The following IL15RA variants were observed in gnomAD, a reference collection of about 807,000 sequenced individuals.
IL15RA encodes the protein interleukin-15 receptor subunit alpha.
In IL15RA, 26 loss-of-function variants were observed where a neutral mutation model predicts 24.2. The ratio of observed to expected loss-of-function variants is 1.07; its 90% confidence interval spans 0.79 to 1.49. IL15RA has a LOEUF of 1.49. Ranked by LOEUF, IL15RA falls within the 40% of genes most tolerant of loss-of-function variation. The pLI, the probability that IL15RA is intolerant of heterozygous loss-of-function variation, is 0.00. For synonymous variants in IL15RA, 166 were observed against 157.6 expected (o/e 1.05, Z -0.40); for missense variants, 354 against 356.4 (o/e 0.99, Z 0.05).
Position 5,962,012 on chromosome 10 carries a change from G to A in IL15RA, c.383-1445C>T, listed in dbSNP as rs770744850. 3.3e-5 allele frequency among the ~76,000 whole-genome samples: 5 copies of A among 152,190 alleles called. No homozygotes were observed. Among genetic ancestry groups the A allele is most frequent in the Non-Finnish European group, 5.9e-5 (4 of 68,044 alleles). On this transcript the variant is annotated intron_variant, in intron 3 of 6. Coordinates refer to ENST00000379977, the MANE Select transcript of IL15RA (RefSeq NM_002189.4). This position sits in a 1 kb window ranked among gnomAD's most constrained non-coding sequence, Gnocchi z 5.2. Reference sequence around the variant, plus strand: ...CACGGTCGTGCCAGCTCGGGTCAAAGGCTGCTGTCACATCGGGGCTTCTGA... The same window carrying A: ...CACGGTCGTGCCAGCTCGGGTCAAAAGCTGCTGTCACATCGGGGCTTCTGA...
intron 1 of IL15RA, among the ~76,000 whole-genome samples, chr10:5,969,293 TTTAAA>T (rs1357670107): frequency 1.3e-5 from 2 of 149,872 alleles, no homozygotes; most frequent in South Asian, 2.1e-4. Flanking sequence ...AATTAAAATT[TTTAAA>T]TTAAATTTTT....
chr10:5,960,781 C>T lies in IL15RA; in HGVS notation c.383-214G>A, dbSNP rs527847871. Among the ~76,000 whole-genome samples the T allele has an allele frequency of 7.2e-5, 11 of 152,240 alleles. No homozygotes were observed. The South Asian group carries it at 2.3e-3, about 32-fold the overall frequency. On this transcript the variant is annotated intron_variant, in intron 3 of 6. Transcript: ENST00000379977. This position sits in a 1 kb window ranked among gnomAD's most constrained non-coding sequence, Gnocchi z 5.1. Reference sequence around the variant, plus strand: ...CTAAAGAACATGGCTACTATCACGGCACGTATAAAGAAAAGATCAGCCAGA... The same window carrying T: ...CTAAAGAACATGGCTACTATCACGGTACGTATAAAGAAAAGATCAGCCAGA...
chr10:5,977,730 G>T, upstream of IL15RA: 1 of 1,057,136 alleles, frequency 9.5e-7, no homozygotes, highest in Non-Finnish European at 1.2e-6. Flanking sequence ...AGCCACCCCT[G>T]TCCCCGGGAC....
At position 5,963,701 on chromosome 10, in the gene IL15RA, G is replaced by A; in HGVS notation, c.382+42C>T. The A allele has an allele frequency of 7.6e-7, 1 of 1,312,682 alleles. No homozygotes were observed. Among genetic ancestry groups the A allele is most frequent in the Non-Finnish European group, 1.0e-6 (1 of 970,500 alleles). The allele number at this position is 1,312,682 out of a possible 1,614,324, so 81.3% of individuals were successfully genotyped here. A position where few individuals can be genotyped will look rare whatever the true frequency, so the allele number is the denominator to read the frequency against. On this transcript the variant is annotated intron_variant, in intron 3 of 6. Transcript: ENST00000379977. The surrounding 1 kb of genome is among the most constrained non-coding windows in gnomAD (Gnocchi z 5.3). ...ATTGGTGAGCGGGCCTCTGGGTGTT[G>A]GGAGGGAATGAATGTCCTCGAGAAG...
chr10:5,976,508 A>G (rs921837229), intron 1 of IL15RA, among the ~76,000 whole-genome samples: 7 of 152,160 alleles, frequency 4.6e-5, no homozygotes, highest in Admixed American at 3.3e-4. Flanking sequence ...AACTATGTTC[A>G]TTCATGCATT....
Position 5,959,799 on chromosome 10 carries a change from G to C in IL15RA, c.584-13C>G, listed in dbSNP as rs550927307. ...TGTGGATACACACCTGCGGAAAAGAGAGGACAGCATCACGGCTCGAGTCCT... is the reference window on the plus strand; with the variant it reads ...TGTGGATACACACCTGCGGAAAAGACAGGACAGCATCACGGCTCGAGTCCT... On this transcript the variant is annotated splice_polypyrimidine_tract_variant and intron_variant, in intron 4 of 6. Transcript: ENST00000379977. This position sits in a 1 kb window ranked among gnomAD's most constrained non-coding sequence, Gnocchi z 4.1. The C allele has an allele frequency of 6.2e-7, 1 of 1,613,908 alleles. No individual in the cohort carries two copies.
chr10:5,953,737 C>G lies in IL15RA; in HGVS notation c.693-531G>C, dbSNP rs1305715299. 4.5e-6 allele frequency: 1 copy of G among 219,792 alleles called. No individual in the cohort carries two copies. Among genetic ancestry groups the G allele is most frequent in the Non-Finnish European group, 9.1e-6 (1 of 109,966 alleles). The allele number at this position is 219,792 out of a possible 1,614,324, so 13.6% of individuals were successfully genotyped here. ...ATCTTGAAAAAAGTGATTTAATATTCATGAAGCTTTTAAAAACAGTTCTTA... is the reference window on the plus strand; with the variant it reads ...ATCTTGAAAAAAGTGATTTAATATTGATGAAGCTTTTAAAAACAGTTCTTA... On this transcript the variant is annotated intron_variant, in intron 6 of 6. Transcript: ENST00000379977. This position sits in a 1 kb window ranked among gnomAD's most constrained non-coding sequence, Gnocchi z 5.3.
In IL15RA at chr10:5,970,830, G is replaced by T. The variant is rs1837480665; in HGVS notation, c.89-4491C>A. Among the ~76,000 whole-genome samples the T allele has an allele frequency of 6.6e-6, 1 of 151,488 alleles. No individual in the cohort carries two copies. Among genetic ancestry groups the T allele is most frequent in the Admixed American group, 6.6e-5 (1 of 15,174 alleles). On this transcript the variant is annotated intron_variant, in intron 1 of 6. Coordinates refer to ENST00000379977, the MANE Select transcript of IL15RA (RefSeq NM_002189.4). The surrounding 1 kb of genome is among the most constrained non-coding windows in gnomAD (Gnocchi z 4.1). ...GGCTAGAGCACAATGGCATGATTAT[G>T]CCCCGCTGCAGCCTCAAACTCCTGG...
rs1836555264 is a variant in IL15RA, at chr10:5,966,438, A to AT, written c.89-100_89-99insA. ...CGGTAGTCAGTGTCCAGCTTATCCT[A>AT]GGGGTGCCTCAGGACAAGCCCCAGG... is the stretch of plus-strand genomic sequence containing the variant. On this transcript the variant is annotated intron_variant, in intron 1 of 6. Coordinates refer to ENST00000379977, the MANE Select transcript of IL15RA (RefSeq NM_002189.4). The surrounding 1 kb of genome is among the most constrained non-coding windows in gnomAD (Gnocchi z 6.4). 4 of 1,011,408 alleles carry AT rather than the reference A, an allele frequency of 4.0e-6. No individual in the cohort carries two copies. The highest frequency in any genetic ancestry group is 5.9e-6 in the Non-Finnish European group (4 of 677,568). The allele number at this position is 1,011,408 out of a possible 1,614,324, so 62.7% of individuals were successfully genotyped here. A position where few individuals can be genotyped will look rare whatever the true frequency, so the allele number is the denominator to read the frequency against.
chr10:5,978,224 G>A (rs1312459536), upstream of IL15RA: 1 of 152,528 alleles, frequency 6.6e-6, no homozygotes, highest in East Asian at 1.9e-4. This position sits in a 1 kb window ranked among gnomAD's most constrained non-coding sequence, Gnocchi z 5.2. Flanking sequence ...TAGAAGGAGA[G>A]GGGGCGGAGG....
At position 5,971,507 on chromosome 10, in the gene IL15RA, G is replaced by A. The variant is rs958948163; in HGVS notation, c.89-5168C>T. 1.8e-4 allele frequency among the ~76,000 whole-genome samples: 27 copies of A among 152,312 alleles called. No individual in the cohort carries two copies. Among genetic ancestry groups the A allele is most frequent in the African/African-American group, 6.3e-4 (26 of 41,568 alleles). On this transcript the variant is annotated intron_variant, in intron 1 of 6. Coordinates refer to ENST00000379977, the MANE Select transcript of IL15RA (RefSeq NM_002189.4). The surrounding 1 kb of genome is among the most constrained non-coding windows in gnomAD (Gnocchi z 5.5). ...CCATATCCAGAGTTCAGAGGTTGTCGGGTTAGCGTGGCTCCCAATCCTGTG... is the reference window on the plus strand; with the variant it reads ...CCATATCCAGAGTTCAGAGGTTGTCAGGTTAGCGTGGCTCCCAATCCTGTG...
upstream of IL15RA, chr10:5,977,710 G>C: frequency 8.6e-7 from 1 of 1,164,110 alleles, no homozygotes; most frequent in Non-Finnish European, 1.1e-6. Context: ...CGGCCGCCGC[G>C]GCACCGCACA....
chr10:5,977,509 G>C lies in IL15RA; in HGVS notation c.-17C>G, dbSNP rs1004329263. 1.4e-5 allele frequency: 19 copies of C among 1,327,670 alleles called. No individual in the cohort carries two copies. The highest frequency in any genetic ancestry group is 1.7e-5 in the Non-Finnish European group (18 of 1,039,310). 82.2% of individuals were successfully genotyped at this position (1,327,670 alleles called of 1,614,324 possible). ...CGGGGCCATGGCGGCAGCTCCACAG[G>C]ACACCGCTGGACTCCCCGGGCGAGC... On this transcript the variant is annotated 5_prime_UTR_variant, in exon 1 of 7. Coordinates refer to ENST00000379977, the MANE Select transcript of IL15RA (RefSeq NM_002189.4).
intron 1 of IL15RA, chr10:5,977,046 C>G: frequency 4.9e-6 from 1 of 203,118 alleles, no homozygotes; most frequent in African/African-American, 2.3e-5. Context: ...CTGGGAGAAG[C>G]GCACTCGCCC....
chr10:5,954,172 T>TA (rs1564482996), intron 6 of IL15RA, among the ~76,000 whole-genome samples: 1 of 102,424 alleles, frequency 9.8e-6, no homozygotes, highest in Non-Finnish European at 2.0e-5. Flanking sequence ...ATTCTTCTTT[T>TA]TTTTTTTTTT....
Position 5,953,334 on chromosome 10 carries a change from G to A in IL15RA, c.693-128C>T, listed in dbSNP as rs139797654. ...CAGGAGCAGACAGAGGCCCTGCCAC[G>A]GGAGTCAGACAGAGAGCACTTAGTC... On this transcript the variant is annotated intron_variant, in intron 6 of 6. Coordinates refer to ENST00000379977, the MANE Select transcript of IL15RA (RefSeq NM_002189.4). The surrounding 1 kb of genome is among the most constrained non-coding windows in gnomAD (Gnocchi z 5.3). 332 of 743,688 alleles carry A rather than the reference G, an allele frequency of 4.5e-4. 3 individuals are homozygous for A. In the East Asian group the frequency reaches 6.1e-3, roughly 14 times the overall value. 46.1% of individuals were successfully genotyped at this position (743,688 alleles called of 1,614,324 possible). A position where few individuals can be genotyped will look rare whatever the true frequency, so the allele number is the denominator to read the frequency against.
chr10:5,952,733 A>AT lies in IL15RA; in HGVS notation c.*361_*362insA, dbSNP rs1833988162. The AT allele has an allele frequency of 3.6e-6, 1 of 274,580 alleles. No homozygotes were observed. The highest frequency in any genetic ancestry group is 6.9e-6 in the Non-Finnish European group (1 of 145,248). The allele number at this position is 274,580 out of a possible 1,614,324, so 17.0% of individuals were successfully genotyped here. On this transcript the variant is annotated 3_prime_UTR_variant, in exon 7 of 7. Transcript: ENST00000379977. ...ATGTCACTTTTCTCTGTGAACTGAA[A>AT]GTTAGGATGAGGGACGGAAGATTCG...
rs755118211 is a variant in IL15RA at position 5,968,528 on chromosome 10, G to A, written c.89-2189C>T. Reference sequence around the variant, plus strand: ...ACACATCTTCTGCTAAGCTGATGGCGTGAGAGATGGAGTCGATCTCACAAG... The same window carrying A: ...ACACATCTTCTGCTAAGCTGATGGCATGAGAGATGGAGTCGATCTCACAAG... On this transcript the variant is annotated intron_variant, in intron 1 of 6. Transcript: ENST00000379977. The surrounding 1 kb of genome is among the most constrained non-coding windows in gnomAD (Gnocchi z 5.4). 15 of 515,730 alleles carry A rather than the reference G, an allele frequency of 2.9e-5. No individual in the cohort carries two copies. The highest frequency in any genetic ancestry group is 1.1e-4 in the African/African-American group (6 of 52,250). The allele number at this position is 515,730 out of a possible 1,614,324, so 31.9% of individuals were successfully genotyped here. A position where few individuals can be genotyped will look rare whatever the true frequency, so the allele number is the denominator to read the frequency against.
At chr10:5,954,427 T>C (rs1026974519) in intron 6 of IL15RA, among the ~76,000 whole-genome samples, 7 of 151,982 alleles carry the variant, frequency 4.6e-5, no homozygotes, top group African/African-American at 1.7e-4. Flanking sequence ...CCTAAAGATA[T>C]ATTTATTTTA....
Sources: gnomAD v4.1 joint callset for allele counts (sites outside exome capture counted in the v4.1 genomes callset) on GRCh38, gnomAD v4.1.1 for gene constraint, Gnocchi (gnomAD v3.1) non-coding constraint, MANE v1.5 for transcripts, NCBI Gene and HGNC (gene_info 2026-07-23, HGNC 2026-07-21) for gene names.